The following MTMR3 variants were observed in gnomAD, a reference collection of about 807,000 sequenced individuals.
The protein encoded by MTMR3 is phosphatidylinositol-3,5-bisphosphate 3-phosphatase MTMR3.
In MTMR3, 32 loss-of-function variants were observed where a neutral mutation model predicts 132.4. The observed-to-expected ratio is 0.24, with a 90% CI of 0.18 to 0.32. MTMR3 has a LOEUF of 0.32. MTMR3 is among the 10% of genes least tolerant of loss of function. The pLI is 1.00. For synonymous variants in MTMR3, 556 were observed against 550.3 expected (o/e 1.01, Z -0.14); for missense variants, 1,216 against 1,489.6 (o/e 0.82, Z 3.02).
Position 30,026,728 on chromosome 22 carries a change from C to G in MTMR3, c.*927C>G, listed in dbSNP as rs139067701. The G allele has an allele frequency of 2.6e-5, 4 of 152,924 alleles. No individual in the cohort carries two copies. The allele number at this position is 152,924 out of a possible 1,614,324, so 9.5% of individuals were successfully genotyped here. A position where few individuals can be genotyped will look rare whatever the true frequency, so the allele number is the denominator to read the frequency against. ...TAAACAATCTCTTCCTCAGCCAGCA[C>G]AGGGAAATCCAGACTCAGGGTTCCA... On this transcript the variant is annotated 3_prime_UTR_variant, in exon 20 of 20. Transcript: ENST00000401950.
intron 1 of MTMR3, among the ~76,000 whole-genome samples, chr22:29,946,520 CTG>C (rs1038247590): frequency 6.6e-6 from 1 of 152,114 alleles, no homozygotes; most frequent in African/African-American, 2.4e-5. Context: ...TGGTTTCAGA[CTG>C]TTAATGGATT....
chr22:29,923,030 A>C (rs2145773736), intron 1 of MTMR3, among the ~76,000 whole-genome samples: 1 of 146,166 alleles, frequency 6.8e-6, no homozygotes, highest in African/African-American at 2.5e-5. Context: ...GCACACTACC[A>C]CATCCAGCCA....
At chr22:29,977,134 T>TA (rs200503791) in intron 3 of MTMR3, among the ~76,000 whole-genome samples, 4,128 of 151,738 alleles carry the variant, frequency 0.027, 191 homozygotes, top group African/African-American at 0.096. Context: ...CTACTGAAAA[T>TA]AAAAAAAATT....
At chr22:30,003,526 A>T (rs539522618) in intron 9 of MTMR3, 1 of 152,204 alleles carries the variant, frequency 6.6e-6, no homozygotes, top group East Asian at 1.9e-4. Context: ...CTAGATGGGG[A>T]TGGTGGCATG....
chr22:29,901,692 G>A (rs1320756009), intron 1 of MTMR3, among the ~76,000 whole-genome samples: 1 of 152,072 alleles, frequency 6.6e-6, no homozygotes, highest in Non-Finnish European at 1.5e-5. Flanking sequence ...ACAAAATCAT[G>A]CAGTATTTAG....
chr22:29,970,448 C>T (rs868716162), intron 2 of MTMR3, among the ~76,000 whole-genome samples: 2 of 151,526 alleles, frequency 1.3e-5, no homozygotes, highest in Admixed American at 1.3e-4. Flanking sequence ...ATCCTCCCAC[C>T]TCATCCTCCT....
chr22:30,013,489 A>C lies in MTMR3; in HGVS notation c.1451A>C (p.His484Pro). Residue 484 changes from histidine to proline, a missense_variant, in exon 14 of 20, where the codon CAT becomes CCT. Coordinates refer to ENST00000401950, the MANE Select transcript of MTMR3 (RefSeq NM_021090.4). ...TTTCTGCAGTGGCTTGACTGTGTTC[A>C]TCAGCTTCAGAGGCAATTTCCTTGC... ...PVFLQWLDCV[H>P]QLQRQFPCSF... 1 of 1,614,132 alleles carries C rather than the reference A, an allele frequency of 6.2e-7. No individual in the cohort carries two copies. Among genetic ancestry groups the C allele is most frequent in the Non-Finnish European group, 8.5e-7 (1 of 1,179,998 alleles).
At chr22:29,903,778 T>G (rs1291002329) in intron 1 of MTMR3, among the ~76,000 whole-genome samples, 1 of 152,194 alleles carries the variant, frequency 6.6e-6, no homozygotes, top group Non-Finnish European at 1.5e-5. Flanking sequence ...ACAGAGGTAC[T>G]AGAACTACAG....
At chr22:29,916,751 C>T (rs2065317054) in intron 1 of MTMR3, among the ~76,000 whole-genome samples, 1 of 152,146 alleles carries the variant, frequency 6.6e-6, no homozygotes, top group Non-Finnish European at 1.5e-5. Flanking sequence ...TTGCATTCTG[C>T]GGGCAGTGTT....
intron 16 of MTMR3, chr22:30,019,268 G>A (rs2067685628): frequency 1.8e-6 from 1 of 568,346 alleles, no homozygotes; most frequent in Non-Finnish European, 3.1e-6. Flanking sequence ...GCATGGGGTT[G>A]GGGGAGTTTG....
intron 1 of MTMR3, among the ~76,000 whole-genome samples, chr22:29,896,904 T>TACAC (rs1315440982): frequency 8.4e-4 from 54 of 64,626 alleles, no homozygotes; most frequent in Non-Finnish European, 1.2e-4. Context: ...CACACACACA[T>TACAC]ACACACACAC....
chr22:29,915,401 G>C (rs2145756601), intron 1 of MTMR3, among the ~76,000 whole-genome samples: 1 of 151,980 alleles, frequency 6.6e-6, no homozygotes, highest in African/African-American at 2.4e-5. Context: ...TTTTATTTAG[G>C]CTGACGGTCT....
At chr22:29,889,524 T>C (rs2064750713) in intron 1 of MTMR3, among the ~76,000 whole-genome samples, 1 of 151,932 alleles carries the variant, frequency 6.6e-6, no homozygotes, top group South Asian at 2.1e-4. Context: ...TGACCTCAGG[T>C]GATCCGCCTG....
chr22:30,025,521 G>C, intron 19 of MTMR3, 109 bp from the exon 20 acceptor site: 1 of 1,161,880 alleles, frequency 8.6e-7, no homozygotes, highest in South Asian at 1.4e-5. Flanking sequence ...ATCTCAAGGA[G>C]CTCCAGCACA....
chr22:29,918,598 T>TA (rs2065351555), intron 1 of MTMR3, among the ~76,000 whole-genome samples: 1 of 152,220 alleles, frequency 6.6e-6, no homozygotes. Flanking sequence ...TCTCCGTTGT[T>TA]ACTCAGTTTG....
chr22:29,885,197 G>C (rs1184377579), intron 1 of MTMR3, among the ~76,000 whole-genome samples: 1 of 152,172 alleles, frequency 6.6e-6, no homozygotes, highest in Non-Finnish European at 1.5e-5. Context: ...TCTGAGGATA[G>C]AGCCTGGGGA....
At chr22:30,014,861 TCC>T in intron 14 of MTMR3, 1 of 151,722 alleles carries the variant, frequency 6.6e-6, no homozygotes, top group Non-Finnish European at 1.5e-5. Flanking sequence ...TCCAGGCTGC[TCC>T]TCCATCCACA....
chr22:29,978,656 A>T lies in MTMR3; in HGVS notation c.93+125A>T. 5.5e-6 allele frequency: 4 copies of T among 731,184 alleles called. 1 individual carries two copies. The South Asian group carries it at 9.2e-5, about 17-fold the overall frequency. The allele number at this position is 731,184 out of a possible 1,614,324, so 45.3% of individuals were successfully genotyped here. ...ATAACATACATGTAGTAGAAATGCA[A>T]GCTGGAAAACATCTCATTTTAGCAA... On this transcript the variant is annotated intron_variant, in intron 4 of 19. Transcript: ENST00000401950.
intron 7 of MTMR3, chr22:29,997,175 T>C (rs564473454): frequency 6.6e-6 from 1 of 152,366 alleles, no homozygotes; most frequent in East Asian, 1.9e-4. Context: ...TTTTATTTCT[T>C]CTTGCACCTC....
Sources: gnomAD v4.1 joint callset for allele counts (sites outside exome capture counted in the v4.1 genomes callset) on GRCh38, gnomAD v4.1.1 for gene constraint, MANE v1.5 for transcripts, NCBI Gene and HGNC (gene_info 2026-07-23, HGNC 2026-07-21) for gene names.